Variants in ABCA1 observed in about 807,000 individuals in gnomAD.
ABCA1 encodes the protein ATP binding cassette subfamily A member 1, also known as phospholipid-transporting ATPase ABCA1.
Under a neutral mutation model 262.5 loss-of-function variants are expected in ABCA1, and 133 were observed. That is an observed-to-expected ratio of 0.51 (90% CI 0.44 to 0.59). The LOEUF (loss-of-function observed/expected upper bound fraction) is 0.59, where lower values mean the gene tolerates loss of function less well. ABCA1 is among the 20% of genes least tolerant of loss of function. The probability of loss-of-function intolerance (pLI) is 0.00; values close to 1 mark genes in which losing one functional copy is unlikely to be tolerated. For synonymous variants in ABCA1, 1,022 were observed against 1,043.5 expected, an observed-to-expected ratio of 0.98 and a Z score of 0.40; for missense variants, 2,452 against 2,777.5, an observed-to-expected ratio of 0.88 and a Z score of 2.63.
chr9:104,787,428 C>G (rs370022529), intron 46 of ABCA1, among the ~76,000 whole-genome samples: 76 of 151,788 alleles, frequency 5.0e-4, no homozygotes, highest in African/African-American at 1.7e-3. Context: ...AATTCCAGAC[C>G]GAGGTGGAAT....
At chr9:104,834,640 G>A (rs915483170) in intron 11 of ABCA1, among the ~76,000 whole-genome samples, 2 of 148,864 alleles carry the variant, frequency 1.3e-5, no homozygotes, top group African/African-American at 4.9e-5. Context: ...CCTCTCTGGG[G>A]TGCTCGTGAG....
In ABCA1 at chr9:104,802,046, T is replaced by C. The variant is rs1830384063; in HGVS notation, c.4698+8A>G. On this transcript the variant is annotated splice_region_variant and intron_variant, in intron 34 of 49. Transcript: ENST00000374736. ...TTTTTCTGATACATCTTACGATAGA[T>C]ATTTTACCTTGGCCAGCTTTAGGTG... is the stretch of plus-strand genomic sequence containing the variant. The C allele has an allele frequency of 3.7e-6, 6 of 1,613,516 alleles. No individual in the cohort carries two copies. Among genetic ancestry groups the C allele is most frequent in the Non-Finnish European group, 5.1e-6 (6 of 1,179,404 alleles).
chr9:104,864,523 T>C (rs1483835445), intron 5 of ABCA1, among the ~76,000 whole-genome samples: 1 of 152,140 alleles, frequency 6.6e-6, no homozygotes, highest in Admixed American at 6.5e-5. Context: ...TCTAAATCCA[T>C]TTATTTGTCG....
intron 5 of ABCA1, among the ~76,000 whole-genome samples, chr9:104,874,616 C>T (rs1330412280): frequency 2.0e-5 from 3 of 152,092 alleles, no homozygotes; most frequent in Admixed American, 2.0e-4. Context: ...CAGAGCCGGG[C>T]GCAGTGGCTC....
intron 49 of ABCA1, 91 bp downstream of exon 49, chr9:104,785,305 G>C: frequency 1.2e-5 from 18 of 1,535,260 alleles, no homozygotes; most frequent in Non-Finnish European, 1.6e-5. Flanking sequence ...ACCAATTCAA[G>C]ATACAAACTG....
chr9:104,808,606 C>A (rs1386991276), intron 30 of ABCA1, among the ~76,000 whole-genome samples: 1 of 152,198 alleles, frequency 6.6e-6, no homozygotes, highest in Non-Finnish European at 1.5e-5. Context: ...CACACAGTAG[C>A]TATCCATTTA....
At chr9:104,785,287 A>G in intron 49 of ABCA1, 109 bp downstream of exon 49, 1 of 1,442,884 alleles carries the variant, frequency 6.9e-7, no homozygotes, top group South Asian at 1.2e-5. Flanking sequence ...TAGATCAGGA[A>G]TTCAAGCACC....
intron 15 of ABCA1, among the ~76,000 whole-genome samples, 197 bp downstream of exon 15, chr9:104,828,718 TG>T (rs1201313662): frequency 6.6e-6 from 1 of 152,212 alleles, no homozygotes; most frequent in Non-Finnish European, 1.5e-5. Flanking sequence ...GCTACCCGGC[TG>T]GGTTGACCTT....
At chr9:104,824,645 A>C (rs1371557926) in intron 17 of ABCA1, 67 bp from the exon 18 acceptor site, 13 of 1,568,158 alleles carry the variant, frequency 8.3e-6, no homozygotes, top group Non-Finnish European at 1.1e-5. Flanking sequence ...TTTCCCAGCC[A>C]GGTCCATTTC....
At chr9:104,804,481 G>C (rs1389118718) in intron 32 of ABCA1, 145 bp downstream of exon 32, 1 of 739,300 alleles carries the variant, frequency 1.4e-6, no homozygotes, top group Non-Finnish European at 2.4e-6. Context: ...ATCTTTTCTA[G>C]TTTGGGATAA....
At chr9:104,889,802 TG>T (rs1441518826) in intron 2 of ABCA1, among the ~76,000 whole-genome samples, 1 of 152,118 alleles carries the variant, frequency 6.6e-6, no homozygotes, top group Non-Finnish European at 1.5e-5. Flanking sequence ...TCAAAGACAA[TG>T]AAAATTCACA....
Position 104,792,884 on chromosome 9 carries a change from G to C in ABCA1, c.5659C>G (p.Pro1887Ala), listed in dbSNP as rs1829546159. 1 of 1,614,004 alleles carries C rather than the reference G, an allele frequency of 6.2e-7. No individual in the cohort carries two copies. Residue 1887 changes from proline to alanine, a missense_variant, in exon 42 of 50, where the codon CCT becomes GCT. Physicochemically the swap from Pro to Ala is conservative, Grantham distance 27. This residue lies in a region of ABCA1 where 752 missense variants were observed against 944.5 expected (regional missense o/e 0.80). Coordinates refer to ENST00000374736, the MANE Select transcript of ABCA1 (RefSeq NM_005502.4). The part of the protein sequence containing the change: ...RPRPVNAKLS[P>A]LNDEDEDVRR... Reference sequence around the variant, plus strand: ...ACATCTTCATCTTCATCATTCAGAGGAGATAGCTTTGCATTTACAGGTCTT... The same window carrying C: ...ACATCTTCATCTTCATCATTCAGAGCAGATAGCTTTGCATTTACAGGTCTT...
At position 104,862,651 on chromosome 9, in the gene ABCA1, GGCC is replaced by G. The variant is rs1240869630; in HGVS notation, c.422-854_422-852del. 3.0e-4 allele frequency among the ~76,000 whole-genome samples: 2 copies of G among 6,724 alleles called. 1 individual carries two copies. Among genetic ancestry groups the G allele is most frequent in the Non-Finnish European group, 5.5e-4 (2 of 3,618 alleles). The allele number at this position is 6,724 out of a possible 152,430, so 4.4% of individuals were successfully genotyped here. A position where few individuals can be genotyped will look rare whatever the true frequency, so the allele number is the denominator to read the frequency against. ...CAGACTGCCGGGCCGGGCCGGGCCG[GGCC>G]GGGCCGGGCCGGGCCGGGCCGGGCC... On this transcript the variant is annotated intron_variant, in intron 5 of 49. Transcript: ENST00000374736.
chr9:104,824,144 T>C (rs1832617823), intron 18 of ABCA1, among the ~76,000 whole-genome samples: 1 of 152,234 alleles, frequency 6.6e-6, no homozygotes, highest in African/African-American at 2.4e-5. Flanking sequence ...ACAATCACGC[T>C]TGTCTTTACC....
In ABCA1 at chr9:104,847,597, T is replaced by C. The variant is rs554588848; in HGVS notation, c.721-2028A>G. 2.8e-4 allele frequency among the ~76,000 whole-genome samples: 42 copies of C among 152,320 alleles called. No homozygotes were observed. In the South Asian group the frequency reaches 8.5e-3, roughly 31 times the overall value. ...TCTGTTTCTCGGCAAGGTCTTAAAC[T>C]TTTTCTTCTATTGAAATGTCCTTCC... is the stretch of plus-strand genomic sequence containing the variant. On this transcript the variant is annotated intron_variant, in intron 7 of 49. Transcript: ENST00000374736.
intron 32 of ABCA1, 22 bp downstream of exon 32, chr9:104,804,604 G>A (rs899795386): frequency 3.1e-6 from 5 of 1,595,500 alleles, no homozygotes; most frequent in Middle Eastern, 1.7e-4. Flanking sequence ...TACGGCAGGG[G>A]CCAAGTTTAG....
chr9:104,845,435 A>G, intron 8 of ABCA1, 42 bp downstream of exon 8: 1 of 1,385,830 alleles, frequency 7.2e-7, no homozygotes. Flanking sequence ...ATACTGATAC[A>G]GTGGATGATC....
intron 27 of ABCA1, 128 bp from the exon 28 acceptor site, chr9:104,812,850 T>A: frequency 1.7e-6 from 2 of 1,208,006 alleles, no homozygotes; most frequent in Non-Finnish European, 2.4e-6. Context: ...TTCTCAGAAG[T>A]AAAGGGCTTT....
intron 7 of ABCA1, among the ~76,000 whole-genome samples, chr9:104,857,594 C>T (rs1298865184): frequency 4.6e-5 from 7 of 152,146 alleles, no homozygotes; most frequent in Non-Finnish European, 1.0e-4. Flanking sequence ...TCTAAGGTCA[C>T]ATTCTAGGGT....
Sources: allele counts gnomAD v4.1 joint callset (sites outside exome capture counted in the v4.1 genomes callset), GRCh38; gene constraint gnomAD v4.1.1; regional missense constraint gnomAD v4.1.1; transcripts MANE v1.5; gene names NCBI Gene and HGNC (gene_info 2026-07-23, HGNC 2026-07-21).